The following TP53BP2 variants were observed in gnomAD, a reference collection of about 807,000 sequenced individuals.
TP53BP2 encodes apoptosis-stimulating of p53 protein 2.
A neutral mutation model predicts 126.2 loss-of-function variants in TP53BP2; 62 were observed. The ratio of observed to expected loss-of-function variants is 0.49; its 90% CI spans 0.40 to 0.61. TP53BP2 has a LOEUF of 0.61. Among genes scored for constraint, TP53BP2 ranks in the 20% least tolerant of loss-of-function variants. TP53BP2 has a pLI of 0.00. For synonymous variants in TP53BP2, 485 were observed against 502.9 expected, an observed-to-expected ratio of 0.96 and a Z score of 0.48; for missense variants, 1,215 against 1,402.8, an observed-to-expected ratio of 0.87 and a Z score of 2.14.
intron 1 of TP53BP2, among the ~76,000 whole-genome samples, chr1:223,821,879 T>C (rs1254957427): frequency 6.7e-6 from 1 of 150,160 alleles, no homozygotes; most frequent in Non-Finnish European, 1.5e-5. Context: ...ATATATTACC[T>C]ATTCAAAAAA....
At chr1:223,818,958 C>T (rs564035933) in intron 2 of TP53BP2, among the ~76,000 whole-genome samples, 36 of 150,150 alleles carry the variant, frequency 2.4e-4, no homozygotes, top group African/African-American at 7.5e-4. Context: ...GCCGAGGTGG[C>T]GGATCACCTG....
rs767776819 is a variant in TP53BP2, at chr1:223,799,902, A to G, written c.1482T>C (p.Ala494=). The G allele has an allele frequency of 1.9e-6, 3 of 1,583,754 alleles. No homozygotes were observed. The highest frequency in any genetic ancestry group is 2.6e-6 in the Non-Finnish European group (3 of 1,171,124). The change falls in exon 11 of 18, where the codon GCT becomes GCC. Residue 494 remains alanine, a synonymous_variant. Coordinates refer to ENST00000343537, the MANE Select transcript of TP53BP2 (RefSeq NM_001031685.3). ...NQSSEDILRD[A]QVANKNVAKV... ...AAACCAGGATATTTGTAGGTACCTG[A>G]GCATCCCGCAAGATATCTTCACTGC...
Position 223,795,849 on chromosome 1 carries a change from G to A in TP53BP2, c.2690C>T (p.Pro897Leu), listed in dbSNP as rs185458970. The A allele has an allele frequency of 4.2e-5, 66 of 1,568,500 alleles. No individual in the cohort carries two copies. Among genetic ancestry groups the A allele is most frequent in the Non-Finnish European group, 5.0e-5 (58 of 1,158,114 alleles). Residue 897 changes from proline to leucine, a missense_variant, in exon 13 of 18, where the codon CCG (proline) becomes CTG (leucine). Physicochemically the swap from Pro to Leu is moderately conservative, Grantham distance 98 (BLOSUM62 -3). This residue lies in a region of TP53BP2 where 204 missense variants were observed against 225.7 expected (regional missense o/e 0.90). Transcript: ENST00000343537. ...AGAGACCTGCCCGGTGATTTCAGGC[G>A]GGCGCATGCTCACCGAGTCTTCTCC... ...GPGEDSVSMR[P>L]PEITGQVSLP...
At chr1:223,832,514 G>A (rs1345349735) in intron 1 of TP53BP2, among the ~76,000 whole-genome samples, 1 of 152,226 alleles carries the variant, frequency 6.6e-6, no homozygotes, top group Non-Finnish European at 1.5e-5. Flanking sequence ...TGTAAGAGGA[G>A]AATGCCACTA....
intron 2 of TP53BP2, 86 bp from the exon 3 acceptor site, chr1:223,814,439 T>C (rs1262716007): frequency 1.1e-5 from 11 of 975,460 alleles, no homozygotes; most frequent in African/African-American, 1.6e-5. Flanking sequence ...ATGCAAATTA[T>C]ACATTATGGA....
chr1:223,821,465 TGCAAAC>T (rs751265322), intron 1 of TP53BP2, 98 bp from the exon 2 acceptor site: 3 of 1,499,876 alleles, frequency 2.0e-6, no homozygotes, highest in Non-Finnish European at 1.8e-6. Context: ...CAGTTGGAAG[TGCAAAC>T]GTACAACAGA....
chr1:223,820,211 C>T (rs1258339998), intron 2 of TP53BP2, among the ~76,000 whole-genome samples: 3 of 152,092 alleles, frequency 2.0e-5, no homozygotes, highest in African/African-American at 4.8e-5. Flanking sequence ...TTAGCATATT[C>T]GAGAAATATT....
intron 1 of TP53BP2, among the ~76,000 whole-genome samples, chr1:223,837,427 T>C (rs1663960052): frequency 6.6e-6 from 1 of 152,100 alleles, no homozygotes; most frequent in South Asian, 2.1e-4. Context: ...AGGAAGGAGC[T>C]TGTGGATACA....
At chr1:223,793,805 A>G (rs1047797252) in intron 13 of TP53BP2, among the ~76,000 whole-genome samples, 2 of 152,192 alleles carry the variant, frequency 1.3e-5, no homozygotes, top group African/African-American at 4.8e-5. Context: ...TGGTCTTTAG[A>G]CTGCCTATCT....
At chr1:223,804,104 G>GT (rs1662630676) in intron 6 of TP53BP2, 70 bp downstream of exon 6, 4 of 1,512,502 alleles carry the variant, frequency 2.6e-6, no homozygotes, top group Non-Finnish European at 3.6e-6. Flanking sequence ...GGGCAACACA[G>GT]TAAGACCCTG....
chr1:223,843,615 T>A (rs1449551788), intron 1 of TP53BP2, among the ~76,000 whole-genome samples: 1 of 152,182 alleles, frequency 6.6e-6, no homozygotes, highest in African/African-American at 2.4e-5. Context: ...TTATGTATAT[T>A]TTACCACAAT....
chr1:223,798,845 G>A (rs773273353), intron 11 of TP53BP2, among the ~76,000 whole-genome samples, 168 bp from the exon 12 acceptor site: 1 of 151,952 alleles, frequency 6.6e-6, no homozygotes, highest in Non-Finnish European at 1.5e-5. Flanking sequence ...GCCAAAGCAG[G>A]CGGATCACGA....
intron 14 of TP53BP2, 45 bp from the exon 15 acceptor site, chr1:223,792,567 C>T (rs1473154080): frequency 1.2e-6 from 2 of 1,605,266 alleles, no homozygotes; most frequent in Non-Finnish European, 1.7e-6. Context: ...TTCTTGTCAC[C>T]TGAACTGTCA....
At chr1:223,810,209 A>T (rs1373480464) in intron 4 of TP53BP2, among the ~76,000 whole-genome samples, 2 of 152,180 alleles carry the variant, frequency 1.3e-5, no homozygotes, top group Non-Finnish European at 2.9e-5. Flanking sequence ...CTCAGCATTT[A>T]TTTTGTCTGA....
At chr1:223,837,848 G>A (rs1571878714) in intron 1 of TP53BP2, among the ~76,000 whole-genome samples, 3 of 152,040 alleles carry the variant, frequency 2.0e-5, no homozygotes, top group East Asian at 1.9e-4. Flanking sequence ...CCTCTGGCCC[G>A]CGAAAACCTA....
intron 1 of TP53BP2, among the ~76,000 whole-genome samples, chr1:223,839,803 C>T (rs553356658): frequency 6.6e-6 from 1 of 152,186 alleles, no homozygotes; most frequent in Admixed American, 6.5e-5. Context: ...AGTGTGGTGG[C>T]GCACTCCTGT....
At chr1:223,818,869 G>A (rs914688246) in intron 2 of TP53BP2, among the ~76,000 whole-genome samples, 4 of 149,950 alleles carry the variant, frequency 2.7e-5, no homozygotes, top group Non-Finnish European at 4.4e-5. Context: ...GTCAGCCACC[G>A]TGTCCGGCCA....
intron 4 of TP53BP2, among the ~76,000 whole-genome samples, chr1:223,807,946 G>C (rs1662778676): frequency 6.6e-6 from 1 of 152,136 alleles, no homozygotes; most frequent in Non-Finnish European, 1.5e-5. Context: ...AATTCATATG[G>C]AAGTACAAAG....
At position 223,799,926 on chromosome 1, in the gene TP53BP2, G is replaced by A; in HGVS notation, c.1458C>T (p.Ser486=). 1 of 1,607,808 alleles carries A rather than the reference G, an allele frequency of 6.2e-7. No individual in the cohort carries two copies. The highest frequency in any genetic ancestry group is 8.5e-7 in the Non-Finnish European group (1 of 1,178,188). ...GAGCATCCCGCAAGATATCTTCACT[G>A]CTCTGGTTCTTCCTCAGAGTACCAA... ...PSFGTLRKNQ[S]SEDILRDAQV... Residue 486 remains serine, a synonymous_variant, in exon 11 of 18, where the codon AGC becomes AGT. Coordinates refer to ENST00000343537, the MANE Select transcript of TP53BP2 (RefSeq NM_001031685.3).
Sources: allele counts gnomAD v4.1 joint callset (sites outside exome capture counted in the v4.1 genomes callset), GRCh38; gene constraint gnomAD v4.1.1; regional missense constraint gnomAD v4.1.1; transcripts MANE v1.5; gene names NCBI Gene and HGNC (gene_info 2026-07-23, HGNC 2026-07-21).